The following NCOA3 variants were observed in gnomAD, a reference collection of about 807,000 sequenced individuals.
NCOA3 encodes nuclear receptor coactivator 3.
A neutral mutation model predicts 158.8 loss-of-function variants in NCOA3; 51 were observed. That is an observed-to-expected ratio of 0.32 (90% CI 0.26 to 0.41). The LOEUF (loss-of-function observed/expected upper bound fraction) is 0.41, where lower values mean the gene tolerates loss of function less well. NCOA3 is among the 10% of genes least tolerant of loss of function. The pLI, the probability that NCOA3 is intolerant of heterozygous loss-of-function variation, is 1.00. For missense variants in NCOA3, 1,510 were observed against 1,746.6 expected (o/e 0.86, Z 2.41); for synonymous variants, 537 against 592.4 (o/e 0.91, Z 1.36).
intron 1 of NCOA3, among the ~76,000 whole-genome samples, chr20:47,540,661 C>G (rs950733724): frequency 6.6e-6 from 1 of 151,900 alleles, no homozygotes; most frequent in African/African-American, 2.4e-5. Context: ...AATATAAGGT[C>G]TTATCTCTTC....
intron 2 of NCOA3, among the ~76,000 whole-genome samples, chr20:47,604,655 CT>C (rs1784841647): frequency 6.6e-6 from 1 of 152,184 alleles, no homozygotes; most frequent in Admixed American, 6.5e-5. Flanking sequence ...CCAGGCTGGT[CT>C]CAAACTCCTG....
intron 1 of NCOA3, among the ~76,000 whole-genome samples, chr20:47,531,955 A>G (rs1273825812): frequency 1.3e-5 from 2 of 152,174 alleles, no homozygotes; most frequent in Non-Finnish European, 2.9e-5. Flanking sequence ...CACACCCTCC[A>G]AAATCCTTTA....
chr20:47,614,497 TC>T (rs2146284319), intron 2 of NCOA3, among the ~76,000 whole-genome samples: 1 of 152,316 alleles, frequency 6.6e-6, no homozygotes, highest in African/African-American at 2.4e-5. Flanking sequence ...TTACTGTGAT[TC>T]TCAAGAAATA....
At chr20:47,524,615 G>C (rs897050425) in intron 1 of NCOA3, among the ~76,000 whole-genome samples, 1 of 152,200 alleles carries the variant, frequency 6.6e-6, no homozygotes, top group South Asian at 2.1e-4. Flanking sequence ...AGGGACAAGT[G>C]AAGGGAGAAG....
At chr20:47,589,165 AGTAAGCTACAGGT>A (rs2085585253) in intron 2 of NCOA3, among the ~76,000 whole-genome samples, 1 of 152,042 alleles carries the variant, frequency 6.6e-6, no homozygotes, top group Admixed American at 6.6e-5. Context: ...AGTGCTTGGG[AGTAAGCTACAGGT>A]GTAAGCCATT....
intron 1 of NCOA3, among the ~76,000 whole-genome samples, chr20:47,507,075 A>G (rs1296172208): frequency 1.3e-5 from 2 of 152,134 alleles, no homozygotes; most frequent in Non-Finnish European, 2.9e-5. Flanking sequence ...GGCGTGGTAG[A>G]TGGATAGATG....
At chr20:47,512,743 G>A (rs2084167603) in intron 1 of NCOA3, among the ~76,000 whole-genome samples, 1 of 152,160 alleles carries the variant, frequency 6.6e-6, no homozygotes, top group African/African-American at 2.4e-5. Flanking sequence ...TAAAAAGACT[G>A]ACCATACCGT....
chr20:47,623,861 G>T (rs777733730), intron 3 of NCOA3, 50 bp from the exon 4 acceptor site: 4 of 1,526,790 alleles, frequency 2.6e-6, no homozygotes, highest in Non-Finnish European at 3.6e-6. Context: ...GCTCTTTTGT[G>T]ATATATATAT....
rs528194813 is a variant in NCOA3, at chr20:47,543,766, TCCCAGGGAGCTG to T, written c.-98-39416_-98-39405del. On this transcript the variant is annotated intron_variant, in intron 1 of 22. Transcript: ENST00000371998. Reference sequence around the variant, plus strand: ...CTCAGGTGATCCACCTGCCTTGTCCTCCCAGGGAGCTGGGATTACAGGCGTGAGCCACTGTGC... The same window carrying T: ...CTCAGGTGATCCACCTGCCTTGTCCTGGATTACAGGCGTGAGCCACTGTGC... Among the ~76,000 whole-genome samples, 10 of 152,306 alleles carry T rather than the reference TCCCAGGGAGCTG, an allele frequency of 6.6e-5. No individual in the cohort carries two copies. The South Asian group carries it at 2.1e-3, about 32-fold the overall frequency.
chr20:47,646,585 G>A (rs936680088), intron 17 of NCOA3, among the ~76,000 whole-genome samples: 3 of 152,160 alleles, frequency 2.0e-5, no homozygotes, highest in Non-Finnish European at 4.4e-5. Context: ...TATCACCAGC[G>A]GATGAGAGCA....
At chr20:47,581,479 A>G (rs1452553162) in intron 1 of NCOA3, among the ~76,000 whole-genome samples, 1 of 152,116 alleles carries the variant, frequency 6.6e-6, no homozygotes, top group African/African-American at 2.4e-5. Context: ...GGCTCTCCCT[A>G]TATACTGTCT....
intron 1 of NCOA3, among the ~76,000 whole-genome samples, chr20:47,515,255 T>C (rs2084213636): frequency 6.6e-6 from 1 of 151,664 alleles, no homozygotes; most frequent in South Asian, 2.1e-4. Flanking sequence ...CTCCGCCTCC[T>C]GAGTTCAAAC....
chr20:47,575,678 G>A (rs6018563), intron 1 of NCOA3, among the ~76,000 whole-genome samples: 19,449 of 152,050 alleles, frequency 0.13, 1,704 homozygotes, highest in African/African-American at 0.24. Flanking sequence ...ACATGAAATC[G>A]TTTTCTTAGG....
intron 5 of NCOA3, among the ~76,000 whole-genome samples, 167 bp from the exon 6 acceptor site, chr20:47,626,835 T>C (rs72645250): frequency 2.0e-5 from 3 of 152,206 alleles, no homozygotes; most frequent in Admixed American, 6.6e-5. Context: ...ACCAGTCATA[T>C]TGGATTAGGG....
At chr20:47,642,480 C>G (rs893059235) in intron 17 of NCOA3, 96 bp downstream of exon 17, 7 of 790,808 alleles carry the variant, frequency 8.9e-6, no homozygotes, top group Middle Eastern at 7.5e-4. Flanking sequence ...CTGTGTGTGT[C>G]TCTCCTAGTA....
At chr20:47,591,059 G>A (rs1474353605) in intron 2 of NCOA3, among the ~76,000 whole-genome samples, 3 of 152,084 alleles carry the variant, frequency 2.0e-5, no homozygotes, top group East Asian at 1.9e-4. Flanking sequence ...GCAGTGAGCC[G>A]AGATCGCACC....
intron 2 of NCOA3, among the ~76,000 whole-genome samples, chr20:47,605,913 G>A (rs1165258096): frequency 6.6e-6 from 1 of 152,132 alleles, no homozygotes; most frequent in African/African-American, 2.4e-5. Context: ...TCACAACATG[G>A]CTTGTTTATA....
intron 10 of NCOA3, 44 bp from the exon 11 acceptor site, chr20:47,635,278 C>T: frequency 6.6e-7 from 1 of 1,509,130 alleles, no homozygotes; most frequent in Non-Finnish European, 8.9e-7. Flanking sequence ...AGCTTTCATG[C>T]ATGCTTAGAA....
At chr20:47,602,544 A>G (rs1279538929) in intron 2 of NCOA3, among the ~76,000 whole-genome samples, 2 of 152,250 alleles carry the variant, frequency 1.3e-5, no homozygotes, top group Non-Finnish European at 2.9e-5. Flanking sequence ...ACCATTTAAT[A>G]TATTTATATG....
Sources: gnomAD v4.1 joint callset for allele counts (sites outside exome capture counted in the v4.1 genomes callset) on GRCh38, gnomAD v4.1.1 for gene constraint, MANE v1.5 for transcripts, NCBI Gene and HGNC (gene_info 2026-07-23, HGNC 2026-07-21) for gene names.